The following CEP295 variants were observed in gnomAD, a reference collection of about 807,000 sequenced individuals.
CEP295 encodes centrosomal protein 295, also known as centrosomal protein of 295 kDa.
A neutral mutation model predicts 291.6 loss-of-function variants in CEP295; 190 were observed. That is an observed-to-expected ratio of 0.65 (90% CI 0.58 to 0.73). CEP295 has a LOEUF of 0.73. CEP295 is among the 30% of genes least tolerant of loss of function. The pLI, the probability that CEP295 is intolerant of heterozygous loss-of-function variation, is 0.00. For missense variants in CEP295, 2,863 were observed against 2,949.4 expected (o/e 0.97, Z 0.68); for synonymous variants, 993 against 1,038.8 (o/e 0.96, Z 0.85).
At chr11:93,689,967 A>G (rs1261629204) in intron 10 of CEP295, among the ~76,000 whole-genome samples, 1 of 152,216 alleles carries the variant, frequency 6.6e-6, no homozygotes, top group Non-Finnish European at 1.5e-5. Flanking sequence ...GGCTTGTAAG[A>G]CCATCTGAGG....
intron 9 of CEP295, among the ~76,000 whole-genome samples, chr11:93,686,875 AT>A (rs1269723767): frequency 1.3e-5 from 2 of 152,030 alleles, no homozygotes; most frequent in Non-Finnish European, 2.9e-5. Flanking sequence ...CTCAATTGGA[AT>A]TTTTTTTAAT....
intron 6 of CEP295, among the ~76,000 whole-genome samples, chr11:93,676,279 A>T (rs184331081): frequency 2.0e-5 from 3 of 152,028 alleles, no homozygotes; most frequent in African/African-American, 7.2e-5. Flanking sequence ...TTTTAAAAGC[A>T]TCAGCAACAT....
chr11:93,697,619 G>C lies in CEP295; in HGVS notation c.2707G>C (p.Ala903Pro), dbSNP rs1565181091. The C allele has an allele frequency of 6.4e-7, 1 of 1,551,836 alleles. No individual in the cohort carries two copies. The highest frequency in any genetic ancestry group is 8.7e-7 in the Non-Finnish European group (1 of 1,147,000). Residue 903 changes from alanine (A) to proline (P), a missense_variant, in exon 15 of 30, where the codon GCC becomes CCC. Transcript: ENST00000325212. ...AGATTCATCTGCTTTATTGCCTTCT[G>C]CCAAAGCAGATTTGGGGAGAATCCA... ...TPDSSALLPS[A>P]KADLGRIQES...
rs531489569 is a variant in CEP295, at chr11:93,715,616, G to A, written c.5750-5696G>A. Among the ~76,000 whole-genome samples, 8 of 152,172 alleles carry A rather than the reference G, an allele frequency of 5.3e-5. No homozygotes were observed. The South Asian group carries it at 1.0e-3, about 20-fold the overall frequency. On this transcript the variant is annotated intron_variant, in intron 18 of 29. Transcript: ENST00000325212. ...GCTGGGTCACACATGAAGCCATCAT[G>A]TCTCAGAGTCTCACCTAAGGCCCAT...
intron 1 of CEP295, 88 bp from the exon 2 acceptor site, chr11:93,666,593 CA>C (rs1373675912): frequency 2.8e-4 from 161 of 566,778 alleles, no homozygotes; most frequent in South Asian, 3.8e-4. Flanking sequence ...GACTCTGTCT[CA>C]AAAAAAAACA....
chr11:93,664,850 G>A (rs915020348), intron 1 of CEP295, among the ~76,000 whole-genome samples: 1 of 151,922 alleles, frequency 6.6e-6, no homozygotes, highest in African/African-American at 2.4e-5. Flanking sequence ...AATATTACCT[G>A]GTAGTTATTT....
At chr11:93,721,152 G>T (rs1354583573) in intron 18 of CEP295, among the ~76,000 whole-genome samples, 160 bp from the exon 19 acceptor site, 1 of 152,204 alleles carries the variant, frequency 6.6e-6, no homozygotes, top group Admixed American at 6.5e-5. Flanking sequence ...CAAATACGGT[G>T]AATTTTTTCT....
In CEP295 at chr11:93,697,607, T is replaced by G; in HGVS notation, c.2695T>G (p.Leu899Val). ...CTTGGTAACTCCAGATTCATCTGCT[T>G]TATTGCCTTCTGCCAAAGCAGATTT... is the stretch of plus-strand genomic sequence containing the variant. ...LPLVTPDSSA[L>V]LPSAKADLGR... The change falls in exon 15 of 30, where the codon TTA (leucine) becomes GTA (valine). Residue 899 changes from leucine (L) to valine (V), a missense_variant. Coordinates refer to ENST00000325212, the MANE Select transcript of CEP295 (RefSeq NM_033395.2). 3 of 1,551,838 alleles carry G rather than the reference T, an allele frequency of 1.9e-6. No homozygotes were observed. Among genetic ancestry groups the G allele is most frequent in the Non-Finnish European group, 2.6e-6 (3 of 1,147,012 alleles).
At position 93,730,350 on chromosome 11, in the gene CEP295, T is replaced by C. The variant is rs1253754959; in HGVS notation, c.*81T>C. 1.9e-6 allele frequency: 2 copies of C among 1,048,094 alleles called. No individual in the cohort carries two copies. The highest frequency in any genetic ancestry group is 2.9e-6 in the Non-Finnish European group (2 of 682,626). 64.9% of individuals were successfully genotyped at this position (1,048,094 alleles called of 1,614,324 possible). On this transcript the variant is annotated 3_prime_UTR_variant, in exon 30 of 30. Transcript: ENST00000325212. ...ATTATTTAAAGTCAATAAATTGTTA[T>C]TCGAGGAATTCCATGTTGTGATTTC...
Position 93,727,245 on chromosome 11 carries a change from A to C in CEP295, c.6769A>C (p.Thr2257Pro). 6.4e-7 allele frequency: 1 copy of C among 1,551,724 alleles called. No individual in the cohort carries two copies. Among genetic ancestry groups the C allele is most frequent in the Non-Finnish European group, 8.7e-7 (1 of 1,146,958 alleles). Reference protein sequence around the residue: ...VFDQLNVQHSTPCGSNSSECS... With the variant: ...VFDQLNVQHSPPCGSNSSECS... ...TGATCAGTTAAATGTACAGCATAGC[A>C]CTCCATGTGGTTCTAACTCTAGTGA... is the stretch of plus-strand genomic sequence containing the variant. Residue 2257 changes from threonine (T) to proline (P), a missense_variant, in exon 24 of 30, where the codon ACT becomes CCT. Around this residue, in one of 3 missense-constraint regions of CEP295, gnomAD observed 2,295 missense variants for 2,335.7 expected, o/e 0.98. Coordinates refer to ENST00000325212, the MANE Select transcript of CEP295 (RefSeq NM_033395.2).
chr11:93,726,167 G>A (rs908732008), intron 23 of CEP295, among the ~76,000 whole-genome samples: 2 of 151,848 alleles, frequency 1.3e-5, no homozygotes, highest in Admixed American at 1.3e-4. Context: ...TTTCACTCTT[G>A]TTGCCCAGGC....
At position 93,706,773 on chromosome 11, in the gene CEP295, C is replaced by T; in HGVS notation, c.5625C>T (p.Asp1875=). The T allele has an allele frequency of 2.6e-6, 4 of 1,547,784 alleles. No homozygotes were observed. The highest frequency in any genetic ancestry group is 1.2e-5 in the South Asian group (1 of 83,410). ...LGKPGIYEDR[D]PLRVSISREQ... ...AACCAGGTATTTATGAAGACAGAGA[C>T]CCCCTGCGAGTCTCAATAAGCCGAG... The change falls in exon 18 of 30, where the codon GAC becomes GAT. Residue 1875 remains aspartate, a synonymous_variant. Coordinates refer to ENST00000325212, the MANE Select transcript of CEP295 (RefSeq NM_033395.2).
chr11:93,726,921 C>T, intron 23 of CEP295, 55 bp from the exon 24 acceptor site: 1 of 1,371,060 alleles, frequency 7.3e-7, no homozygotes, highest in South Asian at 1.5e-5. Flanking sequence ...CTGTCAGTAT[C>T]CAACTTTTAC....
chr11:93,697,868 G>C lies in CEP295; in HGVS notation c.2956G>C (p.Val986Leu). The change falls in exon 15 of 30, where the codon GTA (valine) becomes CTA (leucine). Residue 986 changes from valine to leucine, a missense_variant. Transcript: ENST00000325212. ...TAAACAGAGTGAATTGGATAGAAGA[G>C]TATGTTCCGAACAGGCTGAGCCCTC... is the stretch of plus-strand genomic sequence containing the variant. ...VHKQSELDRRVCSEQAEPSFP... is the reference protein window; with the variant it reads ...VHKQSELDRRLCSEQAEPSFP... 1.9e-6 allele frequency: 3 copies of C among 1,551,736 alleles called. No homozygotes were observed. Among genetic ancestry groups the C allele is most frequent in the Admixed American group, 2.0e-5 (1 of 51,008 alleles).
chr11:93,698,759 T>G lies in CEP295; in HGVS notation c.3847T>G (p.Ser1283Ala). Reference protein sequence around the residue: ...FSQKTQENTSSEQTGSSSFIP... With the variant: ...FSQKTQENTSAEQTGSSSFIP... Reference sequence around the variant, plus strand: ...CCAGAAAACCCAAGAAAATACATCTTCTGAACAAACTGGTTCATCTTCATT... The same window carrying G: ...CCAGAAAACCCAAGAAAATACATCTGCTGAACAAACTGGTTCATCTTCATT... The change falls in exon 15 of 30, where the codon TCT becomes GCT. Residue 1283 changes from serine to alanine, a missense_variant. Ser to Ala is a moderately conservative substitution (Grantham distance 99). This residue lies in a region of CEP295 where 2,295 missense variants were observed against 2,335.7 expected (regional missense o/e 0.98). Coordinates refer to ENST00000325212, the MANE Select transcript of CEP295 (RefSeq NM_033395.2). 1 of 1,551,702 alleles carries G rather than the reference T, an allele frequency of 6.4e-7. No homozygotes were observed. Among genetic ancestry groups the G allele is most frequent in the Non-Finnish European group, 8.7e-7 (1 of 1,147,000 alleles).
At chr11:93,714,514 G>T (rs555958621) in intron 18 of CEP295, among the ~76,000 whole-genome samples, 1 of 152,356 alleles carries the variant, frequency 6.6e-6, no homozygotes, top group South Asian at 2.1e-4. Context: ...CTCCCAAAAT[G>T]CTGGGATTAC....
rs115147343 is a variant in CEP295, at chr11:93,722,248, C to G, written c.5947+198C>G. On this transcript the variant is annotated intron_variant, in intron 20 of 29. Transcript: ENST00000325212. ...CCTTGAGGTGGGAGGATCGCTTGAGCCCAAAAGTTTGAGACCATCCTGGGC... is the reference window on the plus strand; with the variant it reads ...CCTTGAGGTGGGAGGATCGCTTGAGGCCAAAAGTTTGAGACCATCCTGGGC... 7.0e-3 allele frequency among the ~76,000 whole-genome samples: 1,071 copies of G among 152,104 alleles called. 11 individuals are homozygous for G. Among genetic ancestry groups the G allele is most frequent in the African/African-American group, 0.025 (1,033 of 41,502 alleles).
intron 10 of CEP295, among the ~76,000 whole-genome samples, chr11:93,690,299 C>A (rs4753492): frequency 0.92 from 139,483 of 151,812 alleles, 64,884 homozygotes; most frequent in East Asian, 1. Flanking sequence ...GCTCATGCCT[C>A]TAATCCCAAC....
rs1238679523 is a variant in CEP295 at position 93,697,705 on chromosome 11, A to G, written c.2793A>G (p.Gln931=). The stretch of plus-strand genomic sequence containing the variant: ...CCTCAGACCATCATGTGATCTCACA[A>G]CTTCAGGATAAGCGTTTGAGTCTTT... The part of the protein sequence containing the change: ...AVSSDHHVIS[Q]LQDKRLSLSQ... The change falls in exon 15 of 30, where the codon CAA becomes CAG. Residue 931 remains glutamine, a synonymous_variant. Coordinates refer to ENST00000325212, the MANE Select transcript of CEP295 (RefSeq NM_033395.2). 6.4e-7 allele frequency: 1 copy of G among 1,551,612 alleles called. No individual in the cohort carries two copies. Among genetic ancestry groups the G allele is most frequent in the African/African-American group, 1.4e-5 (1 of 73,058 alleles).
Sources: allele counts gnomAD v4.1 joint callset (sites outside exome capture counted in the v4.1 genomes callset), GRCh38; gene constraint gnomAD v4.1.1; regional missense constraint gnomAD v4.1.1; transcripts MANE v1.5; gene names NCBI Gene and HGNC (gene_info 2026-07-23, HGNC 2026-07-21).